CCSER1: variants seen among roughly 807,000 people sequenced by gnomAD.
CCSER1 encodes the protein coiled-coil serine rich protein 1.
CCSER1 carries 41 observed loss-of-function variants against 82.0 expected under a neutral mutation model. That is an observed-to-expected ratio of 0.50 (90% CI 0.39 to 0.65). The LOEUF is 0.65. Among genes scored for constraint, CCSER1 ranks in the 30% least tolerant of loss-of-function variants. CCSER1 has a pLI of 0.00. For missense variants in CCSER1, 1,119 were observed against 1,064.2 expected (o/e 1.05, Z -0.72); for synonymous variants, 414 against 383.9 (o/e 1.08, Z -0.92).
At chr4:91,441,499 C>T (rs550575288) in intron 10 of CCSER1, among the ~76,000 whole-genome samples, 2 of 151,916 alleles carry the variant, frequency 1.3e-5, no homozygotes, top group Admixed American at 6.6e-5. Context: ...CTATGACAAA[C>T]TCACAGCCAA....
At chr4:91,466,417 G>A (rs181924640) in intron 10 of CCSER1, among the ~76,000 whole-genome samples, 95 of 152,260 alleles carry the variant, frequency 6.2e-4, no homozygotes, top group African/African-American at 2.2e-3. Flanking sequence ...GGCAGAAAGT[G>A]GAAGCATTCC....
chr4:91,419,591 G>T lies in CCSER1; in HGVS notation c.2218-178981G>T, dbSNP rs545064684. Among the ~76,000 whole-genome samples the T allele has an allele frequency of 1.9e-3, 283 of 152,100 alleles. 1 individual carries two copies. Among genetic ancestry groups the T allele is most frequent in the African/African-American group, 6.6e-3 (272 of 41,488 alleles). On this transcript the variant is annotated intron_variant, in intron 10 of 10. Transcript: ENST00000509176. ...AATGCAAAGGTATCTCATGCTCATGGATTGAAAGAATTAATCTTGTTAAAA... is the reference window on the plus strand; with the variant it reads ...AATGCAAAGGTATCTCATGCTCATGTATTGAAAGAATTAATCTTGTTAAAA...
chr4:90,372,992 A>G (rs1453621602), intron 3 of CCSER1, among the ~76,000 whole-genome samples: 1 of 145,310 alleles, frequency 6.9e-6, no homozygotes, highest in Non-Finnish European at 1.6e-5. Flanking sequence ...GATATTAAGG[A>G]CCCCAACTTT....
intron 7 of CCSER1, among the ~76,000 whole-genome samples, chr4:90,794,377 A>G (rs1755683249): frequency 1.3e-5 from 2 of 152,184 alleles, no homozygotes; most frequent in South Asian, 4.1e-4. Flanking sequence ...AATCTTCTGC[A>G]TATAGCTATC....
chr4:91,063,462 C>A (rs1208138944), intron 9 of CCSER1, among the ~76,000 whole-genome samples: 2 of 152,120 alleles, frequency 1.3e-5, no homozygotes, highest in Non-Finnish European at 2.9e-5. Flanking sequence ...GAGATTCTTG[C>A]ATGGTAATAA....
chr4:91,515,691 T>C lies in CCSER1; in HGVS notation c.2218-82881T>C, dbSNP rs558358261. ...ACACACATGTGTCTTTTTGGTAGAATGATGATATTCTTTTGGATATATACC... is the reference window on the plus strand; with the variant it reads ...ACACACATGTGTCTTTTTGGTAGAACGATGATATTCTTTTGGATATATACC... On this transcript the variant is annotated intron_variant, in intron 10 of 10. Transcript: ENST00000509176. Among the ~76,000 whole-genome samples the C allele has an allele frequency of 9.9e-4, 151 of 152,250 alleles. 1 individual carries two copies. Among genetic ancestry groups the C allele is most frequent in the Non-Finnish European group, 1.8e-3 (120 of 67,994 alleles).
At position 90,245,527 on chromosome 4, in the gene CCSER1, G is replaced by T. The variant is rs75118940; in HGVS notation, c.-41-62717G>T. Among the ~76,000 whole-genome samples the T allele has an allele frequency of 8.1e-4, 124 of 152,266 alleles. 2 individuals are homozygous for T. In the East Asian group the frequency reaches 0.023, roughly 28 times the overall value. On this transcript the variant is annotated intron_variant, in intron 1 of 10. Transcript: ENST00000509176. ...GCTCTTATAACAGCCCATTGTTAGT[G>T]TAGAATTAACTACAGAGTTTTTATT...
At chr4:90,315,938 G>T (rs1377852043) in intron 3 of CCSER1, among the ~76,000 whole-genome samples, 1 of 152,204 alleles carries the variant, frequency 6.6e-6, no homozygotes, top group Non-Finnish European at 1.5e-5. Context: ...TTGGAAAATT[G>T]TAGCTGTCTG....
intron 10 of CCSER1, among the ~76,000 whole-genome samples, chr4:91,450,097 G>T (rs183570849): frequency 7.2e-5 from 9 of 125,450 alleles, no homozygotes; most frequent in Admixed American, 6.7e-4. Flanking sequence ...CTGAAACAAA[G>T]CCTCACAATG....
At chr4:91,407,514 T>C (rs1752772518) in intron 10 of CCSER1, among the ~76,000 whole-genome samples, 1 of 152,214 alleles carries the variant, frequency 6.6e-6, no homozygotes, top group East Asian at 1.9e-4. Flanking sequence ...TTAGTATGTT[T>C]GTGTTACTAT....
chr4:90,307,502 G>C (rs1162044143), intron 1 of CCSER1, among the ~76,000 whole-genome samples: 3 of 111,066 alleles, frequency 2.7e-5, no homozygotes, highest in Admixed American at 2.4e-4. Context: ...ACTTGTCCTG[G>C]GGTGGGGGGA....
At chr4:90,544,959 A>C (rs1359250062) in intron 5 of CCSER1, among the ~76,000 whole-genome samples, 1 of 152,148 alleles carries the variant, frequency 6.6e-6, no homozygotes, top group Non-Finnish European at 1.5e-5. Context: ...CTGCTTATAC[A>C]AATATTTCTG....
intron 5 of CCSER1, among the ~76,000 whole-genome samples, chr4:90,611,025 C>T (rs935044081): frequency 1.3e-4 from 19 of 150,218 alleles, no homozygotes; most frequent in African/African-American, 4.5e-4. Context: ...TTACAGGCGC[C>T]CGCCACCATG....
intron 7 of CCSER1, among the ~76,000 whole-genome samples, chr4:90,755,297 T>C (rs1245606164): frequency 6.6e-6 from 1 of 152,216 alleles, no homozygotes; most frequent in Non-Finnish European, 1.5e-5. Context: ...GTGGAACTTA[T>C]TCTACTGTTG....
intron 10 of CCSER1, among the ~76,000 whole-genome samples, chr4:91,207,560 T>G (rs1290793429): frequency 6.6e-6 from 1 of 151,996 alleles, no homozygotes; most frequent in Non-Finnish European, 1.5e-5. Context: ...TGACATGATC[T>G]CATTCTGCTT....
At chr4:91,212,640 A>G (rs973039635) in intron 10 of CCSER1, among the ~76,000 whole-genome samples, 2 of 152,196 alleles carry the variant, frequency 1.3e-5, no homozygotes, top group African/African-American at 4.8e-5. Flanking sequence ...AGAAACTGTG[A>G]GGGTAAAAGA....
intron 1 of CCSER1, among the ~76,000 whole-genome samples, chr4:90,185,674 G>A (rs1239007953): frequency 6.6e-6 from 1 of 151,972 alleles, no homozygotes; most frequent in African/African-American, 2.4e-5. Flanking sequence ...CAGTCCTCAA[G>A]CAAAATATTA....
At chr4:90,195,200 A>C (rs1412236815) in intron 1 of CCSER1, among the ~76,000 whole-genome samples, 1 of 152,102 alleles carries the variant, frequency 6.6e-6, no homozygotes, top group East Asian at 1.9e-4. Flanking sequence ...GAAGGAACCA[A>C]GATGTTCCTT....
intron 6 of CCSER1, among the ~76,000 whole-genome samples, chr4:90,642,855 A>G (rs1726788963): frequency 6.7e-6 from 1 of 150,298 alleles, no homozygotes; most frequent in Non-Finnish European, 1.5e-5. Flanking sequence ...ACCCTGTCTC[A>G]AAAATAAATA....
Sources: allele counts gnomAD v4.1 joint callset (sites outside exome capture counted in the v4.1 genomes callset), GRCh38; gene constraint gnomAD v4.1.1; transcripts MANE v1.5; gene names NCBI Gene and HGNC (gene_info 2026-07-23, HGNC 2026-07-21).